The following DLC1 variants were observed in gnomAD, a reference collection of about 807,000 sequenced individuals.
DLC1 encodes rho GTPase-activating protein 7.
A neutral mutation model predicts 140.3 loss-of-function variants in DLC1; 54 were observed. That is an observed-to-expected ratio of 0.38 (90% CI 0.31 to 0.48). DLC1 has a LOEUF of 0.48. Among genes scored for constraint, DLC1 ranks in the 20% least tolerant of loss-of-function variants. The pLI, the probability that DLC1 is intolerant of heterozygous loss-of-function variation, is 0.96. For missense variants in DLC1, 2,536 were observed against 1,907.0 expected, an observed-to-expected ratio of 1.33 and a Z score of -6.14; for synonymous variants, 986 against 728.1, an observed-to-expected ratio of 1.35 and a Z score of -5.70.
intron 5 of DLC1, among the ~76,000 whole-genome samples, chr8:13,159,357 G>A (rs1200782907): frequency 6.6e-6 from 1 of 152,182 alleles, no homozygotes; most frequent in Non-Finnish European, 1.5e-5. Flanking sequence ...AGCCACCCCA[G>A]AGGCTCAGTA....
chr8:13,440,239 A>G (rs1176357592), intron 2 of DLC1, among the ~76,000 whole-genome samples: 2 of 152,206 alleles, frequency 1.3e-5, no homozygotes, highest in Admixed American at 1.3e-4. Context: ...TATGAAATCC[A>G]TGTTGAGAGA....
chr8:13,169,278 G>GT (rs1490103415), intron 5 of DLC1, among the ~76,000 whole-genome samples: 1 of 152,144 alleles, frequency 6.6e-6, no homozygotes, highest in African/African-American at 2.4e-5. Flanking sequence ...TTTTGTTGTT[G>GT]TTTTTGCTTT....
At chr8:13,324,440 C>G (rs10104769) in intron 4 of DLC1, among the ~76,000 whole-genome samples, 1 of 151,504 alleles carries the variant, frequency 6.6e-6, no homozygotes, top group Non-Finnish European at 1.5e-5. Context: ...TGGTGGCGGG[C>G]GCCTGTAGTC....
chr8:13,319,819 C>T (rs57258611), intron 4 of DLC1, among the ~76,000 whole-genome samples: 29 of 76,156 alleles, frequency 3.8e-4, no homozygotes, highest in East Asian at 2.6e-3. Context: ...TTCTCTCTCT[C>T]TCTTTTTTTT....
intron 5 of DLC1, among the ~76,000 whole-genome samples, chr8:13,181,069 CTG>C (rs1826002531): frequency 6.6e-6 from 1 of 152,040 alleles, no homozygotes; most frequent in African/African-American, 2.4e-5. Context: ...ACTGTCCCTT[CTG>C]TTACCTTTCT....
At chr8:13,361,615 T>G (rs1044269367) in intron 4 of DLC1, among the ~76,000 whole-genome samples, 1 of 152,140 alleles carries the variant, frequency 6.6e-6, no homozygotes, top group Non-Finnish European at 1.5e-5. Context: ...AGGTATCATT[T>G]TAAATAAGTA....
At chr8:13,184,145 T>C (rs1230485410) in intron 5 of DLC1, among the ~76,000 whole-genome samples, 1 of 152,238 alleles carries the variant, frequency 6.6e-6, no homozygotes, top group African/African-American at 2.4e-5. Context: ...TTTATTTCTA[T>C]GGGATTGGTG....
chr8:13,157,759 T>C (rs1266995181), intron 5 of DLC1, among the ~76,000 whole-genome samples: 1 of 152,238 alleles, frequency 6.6e-6, no homozygotes, highest in Non-Finnish European at 1.5e-5. Flanking sequence ...TCTTTCACAC[T>C]CTGCATGGAA....
chr8:13,401,763 A>T, intron 2 of DLC1, 144 bp from the exon 3 acceptor site: 3 of 1,029,516 alleles, frequency 2.9e-6, no homozygotes, highest in Non-Finnish European at 4.1e-6. Context: ...CTGTATCATC[A>T]ATGGGCTCTT....
chr8:13,544,527 G>T (rs184583749), intron 1 of DLC1, among the ~76,000 whole-genome samples: 1 of 152,216 alleles, frequency 6.6e-6, no homozygotes, highest in Admixed American at 6.5e-5. Flanking sequence ...ACAGCGTGAG[G>T]GGAGAGATTA....
rs200394870 is a variant in DLC1 at position 13,100,437 on chromosome 8, C to T, written c.1900G>A (p.Asp634Asn). The T allele has an allele frequency of 6.2e-7, 1 of 1,613,896 alleles. No individual in the cohort carries two copies. The highest frequency in any genetic ancestry group is 1.7e-5 in the Admixed American group (1 of 60,004). The change falls in exon 9 of 18, where the codon GAC becomes AAC. Residue 634 changes from aspartate (D) to asparagine (N), a missense_variant. Physicochemically the swap from Asp to Asn is conservative, Grantham distance 23. Coordinates refer to ENST00000276297, the MANE Select transcript of DLC1 (RefSeq NM_182643.3). ...GAGGGCAGGCTGCCGAAAGAGTCGTCATTGCCTGCCAAGTTGCTGGAGGAG... is the reference window on the plus strand; with the variant it reads ...GAGGGCAGGCTGCCGAAAGAGTCGTTATTGCCTGCCAAGTTGCTGGAGGAG... ...VCSSSNLAGNDDSFGSLPSPK... is the reference protein window; with the variant it reads ...VCSSSNLAGNNDSFGSLPSPK...
chr8:13,218,360 C>T (rs566061272), intron 5 of DLC1, among the ~76,000 whole-genome samples: 17 of 152,232 alleles, frequency 1.1e-4, no homozygotes, highest in Admixed American at 1.1e-3. Context: ...ACACCAAAAG[C>T]ATGAACAACA....
At chr8:13,349,719 G>C (rs1034450238) in intron 4 of DLC1, among the ~76,000 whole-genome samples, 1 of 152,188 alleles carries the variant, frequency 6.6e-6, no homozygotes, top group Non-Finnish European at 1.5e-5. Flanking sequence ...AGGTAAGGAG[G>C]GTAAACGAAA....
At chr8:13,412,307 T>C (rs1181250481) in intron 2 of DLC1, among the ~76,000 whole-genome samples, 1 of 152,192 alleles carries the variant, frequency 6.6e-6, no homozygotes, top group Non-Finnish European at 1.5e-5. Flanking sequence ...ATTTTGGAAA[T>C]AGAATTTTTT....
intron 5 of DLC1, among the ~76,000 whole-genome samples, chr8:13,138,463 G>C (rs1822727480): frequency 6.6e-6 from 1 of 152,168 alleles, no homozygotes; most frequent in African/African-American, 2.4e-5. Flanking sequence ...AGTGATATGA[G>C]CCAGGCAATC....
intron 5 of DLC1, among the ~76,000 whole-genome samples, chr8:13,166,242 T>C (rs1825098548): frequency 6.6e-6 from 1 of 152,236 alleles, no homozygotes; most frequent in Non-Finnish European, 1.5e-5. Context: ...TGTCTGCCGT[T>C]GCTCCTGCCA....
intron 5 of DLC1, among the ~76,000 whole-genome samples, chr8:13,124,211 TGACATCA>T (rs1358245616): frequency 6.6e-6 from 1 of 152,180 alleles, no homozygotes; most frequent in East Asian, 1.9e-4. Context: ...AAGACATGTG[TGACATCA>T]GAGTGGGAGG....
At chr8:13,371,953 A>C (rs569926220) in intron 4 of DLC1, among the ~76,000 whole-genome samples, 1 of 152,322 alleles carries the variant, frequency 6.6e-6, no homozygotes, top group South Asian at 2.1e-4. Flanking sequence ...ATATCATAAA[A>C]GGAGAAAATA....
rs563002817 is a variant in DLC1, at chr8:13,293,954, G to T, written c.1348+11315C>A. On this transcript the variant is annotated intron_variant, in intron 5 of 17. Coordinates refer to ENST00000276297, the MANE Select transcript of DLC1 (RefSeq NM_182643.3). ...TAATATAGTTCTGTAGCCAAAAAGG[G>T]TAATGTTGTGAAAAATTATAATTTT... 9.7e-4 allele frequency among the ~76,000 whole-genome samples: 148 copies of T among 152,238 alleles called. 3 individuals carry two copies. In the South Asian group the frequency reaches 0.015, roughly 16 times the overall value.
Sources: gnomAD v4.1 joint callset for allele counts (sites outside exome capture counted in the v4.1 genomes callset) on GRCh38, gnomAD v4.1.1 for gene constraint, MANE v1.5 for transcripts, NCBI Gene and HGNC (gene_info 2026-07-23, HGNC 2026-07-21) for gene names.